Variants in A4GALT observed in about 807,000 individuals in gnomAD.
A4GALT encodes the protein lactosylceramide 4-alpha-galactosyltransferase.
For missense variants in A4GALT, 512 were observed against 486.0 expected (o/e 1.05, Z -0.50); for synonymous variants, 257 against 220.7 (o/e 1.16, Z -1.46).
intron 1 of A4GALT, among the ~76,000 whole-genome samples, chr22:42,720,035 G>C (rs939304382): frequency 1.3e-5 from 2 of 152,188 alleles, no homozygotes; most frequent in African/African-American, 2.4e-5. Context: ...ACTCGCCCTG[G>C]CAGTGAAACG....
At chr22:42,706,081 T>A (rs943785049) in intron 1 of A4GALT, among the ~76,000 whole-genome samples, 6 of 96,256 alleles carry the variant, frequency 6.2e-5, no homozygotes, top group Admixed American at 1.2e-4. Context: ...GTTGGCCGGG[T>A]GCGGTGGCTC....
chr22:42,693,050 G>T lies in A4GALT; in HGVS notation c.902C>A (p.Pro301His). 1 of 1,612,638 alleles carries T rather than the reference G, an allele frequency of 6.2e-7. No homozygotes were observed. The change falls in exon 3 of 3, where the codon CCC becomes CAC. Residue 301 changes from proline (P) to histidine (H), a missense_variant. Pro to His is a moderately conservative substitution (Grantham distance 77). Transcript: ENST00000642412. ...DWKKYFEDINPEELPRLLSAT... is the reference protein window; with the variant it reads ...DWKKYFEDINHEELPRLLSAT... Reference sequence around the variant, plus strand: ...ACTGAGCAGCCGCGGCAGCTCCTCGGGGTTGATGTCCTCAAAGTACTTCTT... The same window carrying T: ...ACTGAGCAGCCGCGGCAGCTCCTCGTGGTTGATGTCCTCAAAGTACTTCTT...
chr22:42,694,080 A>AGAGCCAAGGCTGGCTTCC, intron 2 of A4GALT, 83 bp from the exon 3 acceptor site: 1 of 887,238 alleles, frequency 1.1e-6, no homozygotes, highest in Non-Finnish European at 1.7e-6. Flanking sequence ...AACATCAGCC[A>AGAGCCAAGGCTGGCTTCC]GAGCCAAGGC....
intron 1 of A4GALT, among the ~76,000 whole-genome samples, chr22:42,714,651 C>T (rs1047780393): frequency 6.6e-6 from 1 of 152,214 alleles, no homozygotes; most frequent in Non-Finnish European, 1.5e-5. Flanking sequence ...TGGCTGGCAC[C>T]TGTAATCCTA....
At chr22:42,709,062 TATA>T (rs1474830727) in intron 1 of A4GALT, among the ~76,000 whole-genome samples, 2 of 108,018 alleles carry the variant, frequency 1.9e-5, no homozygotes, top group Admixed American at 9.6e-5. Flanking sequence ...TATATATATA[TATA>T]TATTTTTTTT....
Position 42,692,918 on chromosome 22 carries a change from G to C in A4GALT, c.1034C>G (p.Thr345Arg). 1 of 1,606,868 alleles carries C rather than the reference G, an allele frequency of 6.2e-7. No homozygotes were observed. The highest frequency in any genetic ancestry group is 1.1e-5 in the South Asian group (1 of 91,068). The change falls in exon 3 of 3, where the codon ACG becomes AGG. Residue 345 changes from threonine (T) to arginine (R), a missense_variant. Transcript: ENST00000642412. The surrounding 1 kb of genome is among the most constrained non-coding windows in gnomAD (Gnocchi z 4.6). ...CAAGTACATTTTCATGGCCTCGTGC[G>C]TCGTGGGGCAGTAGCGGGCATGCAG... ...AQLHARYCPT[T>R]HEAMKMYL
chr22:42,702,340 T>C (rs80284380), intron 1 of A4GALT, among the ~76,000 whole-genome samples: 10 of 142,296 alleles, frequency 7.0e-5, no homozygotes, highest in Admixed American at 7.0e-4. Context: ...AACACACTCT[T>C]TTTTTTTTTT....
At position 42,693,745 on chromosome 22, in the gene A4GALT, T is replaced by TGGGGGGGGGGGGGGGGGG; in HGVS notation, c.206_207insCCCCCCCCCCCCCCCCCC (p.Pro70_Ser71insProProProProProPro). On this transcript the variant is annotated inframe_insertion, in exon 3 of 3. Transcript: ENST00000642412. ...TGCCTGGAGTGGGGCCGTGGGAGGG[T>TGGGGGGGGGGGGGGGGGG]GGGGTGGGGGGTGTCAAGGTGGGGC... The TGGGGGGGGGGGGGGGGGG allele has an allele frequency of 1.2e-5, 3 of 241,856 alleles. No individual in the cohort carries two copies. The highest frequency in any genetic ancestry group is 2.3e-5 in the Non-Finnish European group (3 of 130,752). 15.0% of individuals were successfully genotyped at this position (241,856 alleles called of 1,614,324 possible).
At chr22:42,711,495 G>C (rs1602020125) in intron 1 of A4GALT, among the ~76,000 whole-genome samples, 1 of 152,174 alleles carries the variant, frequency 6.6e-6, no homozygotes, top group Admixed American at 6.6e-5. Context: ...TTCTTGAAGA[G>C]GCTGATTAAA....
rs747293970 is a variant in A4GALT at position 42,693,778 on chromosome 22, C to T, written c.174G>A (p.Glu58=). Residue 58 remains glutamate, a synonymous_variant, in exon 3 of 3, where the codon GAG becomes GAA. Transcript: ENST00000642412. ...EKGQLYNLPA[E]IPCPTLTPPT... ...GGGGTGTCAAGGTGGGGCAGGGGAT[C>T]TCTGCTGGCAGGTTATAGAGCTGCC... 1.6e-5 allele frequency: 26 copies of T among 1,601,762 alleles called. No homozygotes were observed. Among genetic ancestry groups the T allele is most frequent in the Non-Finnish European group, 1.9e-5 (22 of 1,174,140 alleles).
Position 42,692,774 on chromosome 22 carries a change from C to A in A4GALT, c.*116G>T, listed in dbSNP as rs1238578648. Reference sequence around the variant, plus strand: ...GCTCCCACAGCTCCTCAACAGCCTGCCTAAGCCCGGTGGCAGCTCGGGCCT... The same window carrying A: ...GCTCCCACAGCTCCTCAACAGCCTGACTAAGCCCGGTGGCAGCTCGGGCCT... On this transcript the variant is annotated 3_prime_UTR_variant, in exon 3 of 3. Coordinates refer to ENST00000642412, the MANE Select transcript of A4GALT (RefSeq NM_017436.7). The surrounding 1 kb of genome is among the most constrained non-coding windows in gnomAD (Gnocchi z 4.6). 2 of 1,262,810 alleles carry A rather than the reference C, an allele frequency of 1.6e-6. No homozygotes were observed. The highest frequency in any genetic ancestry group is 2.9e-5 in the African/African-American group (2 of 67,852). The allele number at this position is 1,262,810 out of a possible 1,614,324, so 78.2% of individuals were successfully genotyped here.
At position 42,720,489 on chromosome 22, in the gene A4GALT, C is replaced by G. The variant is rs1239966761; in HGVS notation, c.-188+308G>C. 2.6e-5 allele frequency among the ~76,000 whole-genome samples: 4 copies of G among 152,182 alleles called. No individual in the cohort carries two copies. The East Asian group carries it at 7.7e-4, about 29-fold the overall frequency. Reference sequence around the variant, plus strand: ...CGACGCCCTCTCTCCAGCCCCGGGACCCAACCGGGTGGGGCTGCCCTCGAG... The same window carrying G: ...CGACGCCCTCTCTCCAGCCCCGGGAGCCAACCGGGTGGGGCTGCCCTCGAG... On this transcript the variant is annotated intron_variant, in intron 1 of 2. Coordinates refer to ENST00000642412, the MANE Select transcript of A4GALT (RefSeq NM_017436.7).
At chr22:42,709,283 C>A (rs1289988267) in intron 1 of A4GALT, among the ~76,000 whole-genome samples, 2 of 148,502 alleles carry the variant, frequency 1.3e-5, no homozygotes, top group Non-Finnish European at 3.0e-5. Flanking sequence ...AATTCCTAGG[C>A]TCCCACCTGC....
intron 1 of A4GALT, among the ~76,000 whole-genome samples, chr22:42,711,552 T>G (rs1049325683): frequency 6.6e-6 from 1 of 152,256 alleles, no homozygotes; most frequent in East Asian, 1.9e-4. Context: ...AGACCAATGC[T>G]GTTTTTACTC....
intron 1 of A4GALT, among the ~76,000 whole-genome samples, chr22:42,704,176 A>G (rs1370653431): frequency 2.0e-5 from 3 of 152,148 alleles, no homozygotes; most frequent in Non-Finnish European, 2.9e-5. Flanking sequence ...AGGAGGAAGT[A>G]ATTGGTATAA....
At chr22:42,704,361 C>T (rs967267890) in intron 1 of A4GALT, among the ~76,000 whole-genome samples, 1 of 152,008 alleles carries the variant, frequency 6.6e-6, no homozygotes, top group East Asian at 1.9e-4. Flanking sequence ...GTGGCACATG[C>T]CTGTAATGCC....
In A4GALT at chr22:42,705,656, T is replaced by C. The variant is rs189931234; in HGVS notation, c.-187-10025A>G. On this transcript the variant is annotated intron_variant, in intron 1 of 2. Transcript: ENST00000642412. ...GAAGAAAATACTGGCACAAGACAAA[T>C]ACAAATTCGAATCCAAAATTACAGC... is the stretch of plus-strand genomic sequence containing the variant. Among the ~76,000 whole-genome samples, 59 of 117,290 alleles carry C rather than the reference T, an allele frequency of 5.0e-4. 10 individuals carry two copies. The highest frequency in any genetic ancestry group is 1.3e-3 in the African/African-American group (50 of 37,114). The allele number at this position is 117,290 out of a possible 152,430, so 76.9% of individuals were successfully genotyped here. A position where few individuals can be genotyped will look rare whatever the true frequency, so the allele number is the denominator to read the frequency against.
At chr22:42,703,419 C>G (rs1230396765) in intron 1 of A4GALT, among the ~76,000 whole-genome samples, 2 of 151,676 alleles carry the variant, frequency 1.3e-5, no homozygotes, top group African/African-American at 2.4e-5. Context: ...CCGCGCCTGG[C>G]TAATTTTTGT....
intron 1 of A4GALT, among the ~76,000 whole-genome samples, chr22:42,705,990 G>A (rs1352466076): frequency 9.4e-6 from 1 of 106,680 alleles, no homozygotes; most frequent in African/African-American, 3.0e-5. Flanking sequence ...GGAAGTGGAG[G>A]TTGCAATGAG....
Sources: gnomAD v4.1 joint callset for allele counts (sites outside exome capture counted in the v4.1 genomes callset) on GRCh38, gnomAD v4.1.1 for gene constraint, Gnocchi (gnomAD v3.1) non-coding constraint, MANE v1.5 for transcripts, NCBI Gene and HGNC (gene_info 2026-07-23, HGNC 2026-07-21) for gene names.